Variants in SOX5 observed in about 807,000 individuals in gnomAD.
SOX5 encodes SRY-box transcription factor 5, also known as transcription factor SOX-5.
In SOX5, 9 loss-of-function variants were observed where a neutral mutation model predicts 92.0. The ratio of observed to expected loss-of-function variants is 0.10; its 90% CI spans 0.06 to 0.17. The LOEUF is 0.17. Ranked by LOEUF, SOX5 falls within the 10% of genes least tolerant of loss-of-function variation. The pLI is 1.00. For missense variants in SOX5, 642 were observed against 944.5 expected, an observed-to-expected ratio of 0.68 and a Z score of 4.20; for synonymous variants, 344 against 336.3, an observed-to-expected ratio of 1.02 and a Z score of -0.25.
At chr12:23,812,825 C>T (rs1239137234) in intron 3 of SOX5, among the ~76,000 whole-genome samples, 1 of 152,078 alleles carries the variant, frequency 6.6e-6, no homozygotes, top group Non-Finnish European at 1.5e-5. Flanking sequence ...ATAAAATTTA[C>T]ACTAATACAC....
chr12:24,222,164 C>T lies in SOX5; in HGVS notation c.-76-8747G>A, dbSNP rs2728852. Among the ~76,000 whole-genome samples, 100 of 152,130 alleles carry T rather than the reference C, an allele frequency of 6.6e-4. 3 individuals are homozygous for T. The highest frequency in any genetic ancestry group is 3.7e-3 in the Admixed American group (56 of 15,286). ...AGTGGACAGCTCCTCTTTTCCCCCC[C>T]ACCACCAAGCACATGGCAGGCCATT... On this transcript the variant is annotated intron_variant, in intron 3 of 4. Transcript: ENST00000446891.
intron 4 of SOX5, among the ~76,000 whole-genome samples, chr12:24,156,648 T>C (rs1593713738): frequency 6.6e-6 from 1 of 152,270 alleles, no homozygotes; most frequent in Admixed American, 6.5e-5. Context: ...ACAATTAATT[T>C]ATGTACTCAT....
At chr12:23,549,193 T>C (rs1376465132) in intron 11 of SOX5, among the ~76,000 whole-genome samples, 1 of 151,990 alleles carries the variant, frequency 6.6e-6, no homozygotes, top group East Asian at 1.9e-4. Context: ...TAGAGGCAGA[T>C]GGAACAAAAC....
At chr12:23,815,332 T>C (rs1319146730) in intron 3 of SOX5, among the ~76,000 whole-genome samples, 1 of 152,162 alleles carries the variant, frequency 6.6e-6, no homozygotes, top group East Asian at 1.9e-4. Context: ...GAAAGCAAGG[T>C]AGACAAATTA....
intron 2 of SOX5, among the ~76,000 whole-genome samples, chr12:23,869,718 A>G (rs2096853150): frequency 6.6e-6 from 1 of 152,122 alleles, no homozygotes; most frequent in African/African-American, 2.4e-5. Flanking sequence ...CTTCCCGATG[A>G]AAGAAGTAGC....
intron 4 of SOX5, among the ~76,000 whole-genome samples, chr12:23,747,581 C>A (rs1485734335): frequency 6.6e-6 from 1 of 152,044 alleles, no homozygotes; most frequent in Non-Finnish European, 1.5e-5. Flanking sequence ...CAAACTTGCT[C>A]CCACCACAGG....
chr12:23,887,622 C>A (rs1318909637), intron 2 of SOX5, among the ~76,000 whole-genome samples: 1 of 152,038 alleles, frequency 6.6e-6, no homozygotes, highest in Non-Finnish European at 1.5e-5. Flanking sequence ...ATCATTCTCT[C>A]CATTGCATTC....
intron 13 of SOX5, among the ~76,000 whole-genome samples, chr12:23,539,636 C>T (rs1941483531): frequency 2.0e-5 from 3 of 150,312 alleles, no homozygotes; most frequent in Admixed American, 6.6e-5. Context: ...AAAAAAGATG[C>T]GTGTATGTAA....
At chr12:23,659,939 G>A (rs2082815927) in intron 7 of SOX5, among the ~76,000 whole-genome samples, 1 of 152,050 alleles carries the variant, frequency 6.6e-6, no homozygotes, top group South Asian at 2.1e-4. Flanking sequence ...TGCACTGGGT[G>A]ACAGAGTGAG....
intron 4 of SOX5, among the ~76,000 whole-genome samples, chr12:24,106,989 A>T (rs1204700743): frequency 6.6e-6 from 1 of 152,110 alleles, no homozygotes; most frequent in Non-Finnish European, 1.5e-5. Context: ...GAGGTAAGGT[A>T]AAGAAGAATC....
chr12:24,237,477 A>C (rs1240376420), intron 3 of SOX5, among the ~76,000 whole-genome samples: 3 of 152,234 alleles, frequency 2.0e-5, no homozygotes, highest in Non-Finnish European at 4.4e-5. Flanking sequence ...TAAACATTCT[A>C]AAAACCAGAA....
intron 1 of SOX5, among the ~76,000 whole-genome samples, chr12:23,897,820 C>T (rs1158691189): frequency 6.6e-6 from 1 of 152,094 alleles, no homozygotes; most frequent in Admixed American, 6.6e-5. Flanking sequence ...GCCAAAGAAA[C>T]AGACAAAGAG....
chr12:23,839,569 A>G (rs1282432762), intron 3 of SOX5, among the ~76,000 whole-genome samples: 2 of 152,264 alleles, frequency 1.3e-5, no homozygotes, highest in East Asian at 3.9e-4. Context: ...TCTCATAAAC[A>G]TAGATGTAAA....
chr12:24,376,738 T>C (rs1328264578), intron 1 of SOX5, among the ~76,000 whole-genome samples: 1 of 45,078 alleles, frequency 2.2e-5, no homozygotes, highest in East Asian at 5.5e-4. Flanking sequence ...TTACAGAGTC[T>C]CACTGTCACC....
At chr12:24,163,980 G>A (rs1424992860) in intron 4 of SOX5, among the ~76,000 whole-genome samples, 2 of 151,816 alleles carry the variant, frequency 1.3e-5, no homozygotes, top group East Asian at 1.9e-4. Flanking sequence ...GAAATTATAC[G>A]GTATAAATTA....
intron 4 of SOX5, among the ~76,000 whole-genome samples, chr12:24,134,285 C>T (rs556742683): frequency 1.2e-4 from 18 of 152,192 alleles, no homozygotes; most frequent in African/African-American, 3.9e-4. Context: ...GAATCTGCCA[C>T]CTTTTAAAAA....
chr12:24,285,852 G>T lies in SOX5; in HGVS notation c.-173-8540C>A, dbSNP rs149851207. ...ATATAGATTACATTTCTGTGAAACA[G>T]ACATGTGCTTAATAATTAACGGAAA... On this transcript the variant is annotated intron_variant, in intron 2 of 4. Transcript: ENST00000446891. Among the ~76,000 whole-genome samples the T allele has an allele frequency of 5.5e-3, 832 of 152,252 alleles. 8 individuals carry two copies. The highest frequency in any genetic ancestry group is 0.019 in the African/African-American group (788 of 41,554).
chr12:23,912,416 G>A (rs865898781), intron 1 of SOX5, among the ~76,000 whole-genome samples: 2 of 152,134 alleles, frequency 1.3e-5, no homozygotes, highest in South Asian at 4.1e-4. Flanking sequence ...GTAAAATAGC[G>A]CAGCCACTTT....
intron 4 of SOX5, among the ~76,000 whole-genome samples, chr12:24,002,904 G>T (rs1485621130): frequency 6.9e-6 from 1 of 145,708 alleles, no homozygotes; most frequent in Non-Finnish European, 1.5e-5. Flanking sequence ...TATTCATCAT[G>T]TATATAGACA....
Sources: gnomAD v4.1 joint callset for allele counts (sites outside exome capture counted in the v4.1 genomes callset) on GRCh38, gnomAD v4.1.1 for gene constraint, MANE v1.5 for transcripts, NCBI Gene and HGNC (gene_info 2026-07-23, HGNC 2026-07-21) for gene names.